ANKS1B: variants seen among roughly 807,000 people sequenced by gnomAD.
The protein encoded by ANKS1B is ankyrin repeat and sterile alpha motif domain containing 1B.
In ANKS1B, 36 loss-of-function variants were observed where a neutral mutation model predicts 148.3. That is an observed-to-expected ratio of 0.24 (90% CI 0.19 to 0.32). The LOEUF is 0.32. Ranked by LOEUF, ANKS1B falls within the 10% of genes least tolerant of loss-of-function variation. The pLI, the probability that ANKS1B is intolerant of heterozygous loss-of-function variation, is 1.00. For synonymous variants in ANKS1B, 542 were observed against 560.8 expected, an observed-to-expected ratio of 0.97 and a Z score of 0.47; for missense variants, 1,157 against 1,542.6, an observed-to-expected ratio of 0.75 and a Z score of 4.19.
intron 17 of ANKS1B, among the ~76,000 whole-genome samples, chr12:98,987,628 G>A (rs2099924237): frequency 6.6e-6 from 1 of 152,094 alleles, no homozygotes. Flanking sequence ...GAGTTATAAT[G>A]GTCTAGGTCT....
chr12:99,681,751 GA>G (rs771346017), intron 8 of ANKS1B, among the ~76,000 whole-genome samples: 1 of 152,126 alleles, frequency 6.6e-6, no homozygotes. Flanking sequence ...AAACCAAAAA[GA>G]CAACTCTGCT....
intron 17 of ANKS1B, among the ~76,000 whole-genome samples, chr12:98,899,021 C>A (rs545405190): frequency 1.3e-5 from 2 of 152,102 alleles, no homozygotes; most frequent in Admixed American, 6.6e-5. Context: ...GTTGAATATT[C>A]CAGTCTCAAA....
At chr12:99,356,727 C>T (rs1257412376) in intron 12 of ANKS1B, among the ~76,000 whole-genome samples, 1 of 152,124 alleles carries the variant, frequency 6.6e-6, no homozygotes, top group African/African-American at 2.4e-5. Context: ...CTATCTAAGA[C>T]AGATGGTTGT....
chr12:99,161,632 G>A (rs1601282227), intron 14 of ANKS1B, among the ~76,000 whole-genome samples: 1 of 152,150 alleles, frequency 6.6e-6, no homozygotes, highest in Admixed American at 6.5e-5. Flanking sequence ...TAAATGGTAG[G>A]TTAGCTAGTT....
intron 17 of ANKS1B, among the ~76,000 whole-genome samples, chr12:99,021,680 G>A (rs1341039846): frequency 6.6e-6 from 1 of 152,148 alleles, no homozygotes. Flanking sequence ...ACCAACCAGT[G>A]TGGACTAGTG....
At chr12:98,961,382 C>T (rs976374155) in intron 17 of ANKS1B, among the ~76,000 whole-genome samples, 1 of 151,944 alleles carries the variant, frequency 6.6e-6, no homozygotes, top group Non-Finnish European at 1.5e-5. Context: ...ATAGTATATC[C>T]AACAAAAATA....
intron 12 of ANKS1B, among the ~76,000 whole-genome samples, chr12:99,264,471 C>A (rs562128996): frequency 1.1e-4 from 17 of 152,084 alleles, no homozygotes; most frequent in Non-Finnish European, 2.4e-4. Flanking sequence ...TATTATTCAA[C>A]CACATGAAGC....
chr12:99,242,733 A>G (rs2089581547), intron 14 of ANKS1B, among the ~76,000 whole-genome samples: 1 of 152,226 alleles, frequency 6.6e-6, no homozygotes, highest in Admixed American at 6.5e-5. Context: ...CTCAGATATA[A>G]CAACACACAT....
At chr12:99,515,506 T>C (rs2096808736) in intron 9 of ANKS1B, among the ~76,000 whole-genome samples, 1 of 152,112 alleles carries the variant, frequency 6.6e-6, no homozygotes, top group South Asian at 2.1e-4. Context: ...AATAAAAGGA[T>C]CTCTCTTTTA....
At chr12:99,705,107 A>G (rs1183329045) in intron 8 of ANKS1B, among the ~76,000 whole-genome samples, 1 of 152,134 alleles carries the variant, frequency 6.6e-6, no homozygotes, top group African/African-American at 2.4e-5. Flanking sequence ...CTGAAAGAAT[A>G]GGTGAATAAA....
At chr12:99,797,094 G>T (rs1178547024) in intron 4 of ANKS1B, among the ~76,000 whole-genome samples, 2 of 151,948 alleles carry the variant, frequency 1.3e-5, no homozygotes, top group Non-Finnish European at 2.9e-5. Flanking sequence ...CTATCACAAT[G>T]TTGTCACATA....
intron 2 of ANKS1B, among the ~76,000 whole-genome samples, chr12:99,812,951 C>G (rs1459092624): frequency 6.6e-6 from 1 of 151,504 alleles, no homozygotes; most frequent in Non-Finnish European, 1.5e-5. Context: ...AGTACTAGCC[C>G]AGGGTTAAAA....
intron 15 of ANKS1B, among the ~76,000 whole-genome samples, chr12:99,109,823 G>A (rs1294449008): frequency 2.0e-5 from 3 of 152,102 alleles, no homozygotes; most frequent in African/African-American, 7.2e-5. Context: ...TCCATCTACA[G>A]CCTCTTACAG....
chr12:98,789,473 C>T (rs894507846), intron 22 of ANKS1B, among the ~76,000 whole-genome samples: 2 of 151,440 alleles, frequency 1.3e-5, no homozygotes, highest in Admixed American at 6.6e-5. Context: ...AGCACATGCT[C>T]TTGAGAGATG....
intron 3 of ANKS1B, among the ~76,000 whole-genome samples, chr12:99,809,543 A>G (rs950201328): frequency 6.6e-6 from 1 of 152,066 alleles, no homozygotes; most frequent in African/African-American, 2.4e-5. Context: ...ATCCGGGTAG[A>G]GTCCACTTTG....
chr12:98,990,601 G>A lies in ANKS1B; in HGVS notation c.2778+62556C>T, dbSNP rs188327150. Among the ~76,000 whole-genome samples, 4 of 150,880 alleles carry A rather than the reference G, an allele frequency of 2.7e-5. No homozygotes were observed. The East Asian group carries it at 7.8e-4, about 29-fold the overall frequency. ...AAAACACTAAGTAACCAAAGATAAA[G>A]TACTGAGTGGGAAAATATTACTTCC... On this transcript the variant is annotated intron_variant, in intron 17 of 26. Transcript: ENST00000683438.
At chr12:99,109,504 T>C (rs935551162) in intron 15 of ANKS1B, among the ~76,000 whole-genome samples, 4 of 152,196 alleles carry the variant, frequency 2.6e-5, no homozygotes, top group African/African-American at 9.6e-5. Flanking sequence ...CCTAGGGTTC[T>C]TGGATTCTTC....
chr12:99,302,684 C>T (rs1405324854), intron 12 of ANKS1B, among the ~76,000 whole-genome samples: 1 of 152,084 alleles, frequency 6.6e-6, no homozygotes, highest in South Asian at 2.1e-4. Flanking sequence ...TCAGTATCAT[C>T]TATCAAATAT....
intron 9 of ANKS1B, among the ~76,000 whole-genome samples, chr12:99,515,880 T>C (rs141798239): frequency 0.018 from 2,749 of 152,222 alleles, 44 homozygotes; most frequent in Admixed American, 0.033. Context: ...TGATATCTCA[T>C]TGTAGTTTTG....
Sources: gnomAD v4.1 joint callset for allele counts (sites outside exome capture counted in the v4.1 genomes callset) on GRCh38, gnomAD v4.1.1 for gene constraint, MANE v1.5 for transcripts, NCBI Gene and HGNC (gene_info 2026-07-23, HGNC 2026-07-21) for gene names.